The following FANCE variants were observed in gnomAD, a reference collection of about 807,000 sequenced individuals.
FANCE encodes the protein Fanconi anemia group E protein.
FANCE carries 42 observed loss-of-function variants against 57.8 expected under a neutral mutation model. The ratio of observed to expected loss-of-function variants is 0.73; its 90% CI spans 0.57 to 0.94. The LOEUF is 0.94. Among genes scored for constraint, FANCE ranks in the 40% least tolerant of loss-of-function variants. FANCE has a pLI of 0.00. For missense variants in FANCE, 608 were observed against 661.8 expected (o/e 0.92, Z 0.89); for synonymous variants, 251 against 286.4 (o/e 0.88, Z 1.25).
In FANCE at chr6:35,456,035, A is replaced by G. The variant is rs1561789623; in HGVS notation, c.537A>G (p.Lys179=). Residue 179 remains lysine (K), a synonymous_variant, in exon 2 of 10, where the codon AAA becomes AAG. Transcript: ENST00000229769. The surrounding 1 kb of genome is among the most constrained non-coding windows in gnomAD (Gnocchi z 4.3). ...TGGGCCTGGGGGGCAGGAGGTTGAA[A>G]TCCCCCCAGGCTCCAGACCCTGAAG... ...RGLGLGGRRL[K]SPQAPDPEEE... is the part of the protein sequence containing the mutation. The G allele has an allele frequency of 3.7e-6, 6 of 1,612,772 alleles. No individual in the cohort carries two copies. The highest frequency in any genetic ancestry group is 5.1e-6 in the Non-Finnish European group (6 of 1,179,530).
chr6:35,461,562 A>G (rs1374651913), intron 8 of FANCE, among the ~76,000 whole-genome samples: 1 of 151,838 alleles, frequency 6.6e-6, no homozygotes, highest in Non-Finnish European at 1.5e-5. Flanking sequence ...TGCTTTTTTT[A>G]CTTCACAGTA....
chr6:35,452,586 T>A lies in FANCE; in HGVS notation c.41T>A (p.Val14Glu). The A allele has an allele frequency of 7.5e-7, 1 of 1,327,200 alleles. No homozygotes were observed. The allele number at this position is 1,327,200 out of a possible 1,614,324, so 82.2% of individuals were successfully genotyped here. A position where few individuals can be genotyped will look rare whatever the true frequency, so the allele number is the denominator to read the frequency against. Residue 14 changes from valine (V) to glutamate (E), a missense_variant, in exon 1 of 10, where the codon GTG (valine) becomes GAG (glutamate). By Grantham distance (121) the Val-to-Glu change is moderately radical (BLOSUM62 -2). Transcript: ENST00000229769. ...GCGGGGCTCCCTGGGGCTGAGGGCGTGGAGCCGGCGCCCTGGGCGCAGCTG... is the reference window on the plus strand; with the variant it reads ...GCGGGGCTCCCTGGGGCTGAGGGCGAGGAGCCGGCGCCCTGGGCGCAGCTG... Reference protein sequence around the residue: ...PDAGLPGAEGVEPAPWAQLEA... With the variant: ...PDAGLPGAEGEEPAPWAQLEA...
chr6:35,455,715 A>C, intron 1 of FANCE, 32 bp from the exon 2 acceptor site: 1 of 1,612,190 alleles, frequency 6.2e-7, no homozygotes, highest in Non-Finnish European at 8.5e-7. Context: ...TCAGCCAAAC[A>C]CTTAACTGCT....
At chr6:35,460,216 C>T (rs530461251) in intron 7 of FANCE, among the ~76,000 whole-genome samples, 16 of 152,230 alleles carry the variant, frequency 1.1e-4, no homozygotes, top group Non-Finnish European at 1.6e-4. Flanking sequence ...CCCAGGTTCA[C>T]GCAATTCTCC....
Position 35,460,710 on chromosome 6 carries a change from A to T in FANCE, c.1383+92A>T, listed in dbSNP as rs907183182. ...CCTGGGTTTCTGAGTCCTTCAGTGC[A>T]TGGAGGGTCAAGCAGGACAGCTGCC... On this transcript the variant is annotated intron_variant, in intron 8 of 9. Coordinates refer to ENST00000229769, the MANE Select transcript of FANCE (RefSeq NM_021922.3). 1.0e-5 allele frequency: 12 copies of T among 1,169,128 alleles called. 1 individual carries two copies. Among genetic ancestry groups the T allele is most frequent in the Non-Finnish European group, 1.4e-5 (11 of 788,764 alleles). 72.4% of individuals were successfully genotyped at this position (1,169,128 alleles called of 1,614,324 possible).
At position 35,462,859 on chromosome 6, in the gene FANCE, C is replaced by CCT; in HGVS notation, c.1456_1457dup (p.Met487ProfsTer9). 6.2e-7 allele frequency: 1 copy of CCT among 1,614,262 alleles called. No individual in the cohort carries two copies. Among genetic ancestry groups the CCT allele is most frequent in the Non-Finnish European group, 8.5e-7 (1 of 1,180,046 alleles). On this transcript the variant is annotated frameshift_variant, in exon 9 of 10. Transcript: ENST00000229769. LOFTEE classifies it high-confidence loss of function. ...TGTAAAAAGGGGCTGGCAGCCACCA[C>CCT]CTCCATGGCCTATGCCAAGCTCATG...
chr6:35,460,621 G>A lies in FANCE; in HGVS notation c.1383+3G>A, dbSNP rs752468400. On this transcript the variant is annotated splice_donor_region_variant and intron_variant, in intron 8 of 9. Coordinates refer to ENST00000229769, the MANE Select transcript of FANCE (RefSeq NM_021922.3). ...TGCAGTCACTCCTAGAGCGGCAGGT[G>A]AGCAGGCTGCCCTGGGGAAGAGTGG... The A allele has an allele frequency of 1.9e-6, 3 of 1,613,322 alleles. No homozygotes were observed. In the East Asian group the frequency reaches 6.7e-5, roughly 36 times the overall value.
At position 35,459,820 on chromosome 6, in the gene FANCE, C is replaced by T. The variant is rs185040026; in HGVS notation, c.1316+60C>T. 2,278 of 1,471,504 alleles carry T rather than the reference C, an allele frequency of 1.5e-3. 18 individuals are homozygous for T. The highest frequency in any genetic ancestry group is 0.013 in the South Asian group (1,175 of 88,074). The allele number at this position is 1,471,504 out of a possible 1,614,324, so 91.2% of individuals were successfully genotyped here. A position where few individuals can be genotyped will look rare whatever the true frequency, so the allele number is the denominator to read the frequency against. ...CACCTGTTCCCCCAGGCTAGAGTGACATCACATGTGTTGGGCCCTGCAGGG... is the reference window on the plus strand; with the variant it reads ...CACCTGTTCCCCCAGGCTAGAGTGATATCACATGTGTTGGGCCCTGCAGGG... On this transcript the variant is annotated intron_variant, in intron 7 of 9. Transcript: ENST00000229769.
intron 1 of FANCE, among the ~76,000 whole-genome samples, chr6:35,453,209 G>A (rs1767182298): frequency 6.6e-6 from 1 of 152,218 alleles, no homozygotes; most frequent in African/African-American, 2.4e-5. Flanking sequence ...GCTTTTCAAA[G>A]CATAACGTTC....
At chr6:35,461,926 C>T (rs557665446) in intron 8 of FANCE, among the ~76,000 whole-genome samples, 78 of 152,052 alleles carry the variant, frequency 5.1e-4, no homozygotes, top group African/African-American at 1.6e-3. Flanking sequence ...GGATTACAGG[C>T]GTGAGCCACC....
Position 35,453,370 on chromosome 6 carries a change from G to A in FANCE, c.248+577G>A, listed in dbSNP as rs1311433484. ...ATTCCTACTAGGAGCAGAGGTGTCG[G>A]CCCTGCCATTTTATTTGGTTGTGTT... On this transcript the variant is annotated intron_variant, in intron 1 of 9. Transcript: ENST00000229769. Among the ~76,000 whole-genome samples, 5 of 151,910 alleles carry A rather than the reference G, an allele frequency of 3.3e-5. No homozygotes were observed. The East Asian group carries it at 9.7e-4, about 29-fold the overall frequency.
At position 35,457,970 on chromosome 6, in the gene FANCE, T is replaced by C; in HGVS notation, c.955T>C (p.Cys319Arg). 6.2e-7 allele frequency: 1 copy of C among 1,614,178 alleles called. No individual in the cohort carries two copies. Among genetic ancestry groups the C allele is most frequent in the African/African-American group, 1.3e-5 (1 of 75,038 alleles). ...PPVELQLLHE[C>R]SPSQMDLLCA... ...AGTTGAGCTACAGCTTCTTCACGAA[T>C]GTAGTCCCAGCCAGGTGAGTCCAGA... Residue 319 changes from cysteine (C) to arginine (R), a missense_variant, in exon 4 of 10, where the codon TGT becomes CGT. Physicochemically the swap from Cys to Arg is radical, Grantham distance 180 (BLOSUM62 -3). Transcript: ENST00000229769.
At chr6:35,462,321 G>T (rs1767625805) in intron 8 of FANCE, among the ~76,000 whole-genome samples, 1 of 151,476 alleles carries the variant, frequency 6.6e-6, no homozygotes, top group Non-Finnish European at 1.5e-5. Flanking sequence ...TGGCCAGGCT[G>T]GTCTGGAACT....
intron 7 of FANCE, 81 bp downstream of exon 7, chr6:35,459,841 C>A: frequency 1.6e-6 from 2 of 1,254,306 alleles, no homozygotes; most frequent in Non-Finnish European, 2.3e-6. Flanking sequence ...TTGGGCCCTG[C>A]AGGGAAGGCT....
chr6:35,458,193 A>C, intron 4 of FANCE, 104 bp from the exon 5 acceptor site: 1 of 1,498,808 alleles, frequency 6.7e-7, no homozygotes, highest in Non-Finnish European at 9.2e-7. Flanking sequence ...TTTGCCCTGG[A>C]GTATCTTTGC....
Position 35,462,784 on chromosome 6 carries a change from T to A in FANCE, c.1384-5T>A. 1.4e-5 allele frequency: 22 copies of A among 1,614,068 alleles called. No homozygotes were observed. The highest frequency in any genetic ancestry group is 1.8e-5 in the Non-Finnish European group (21 of 1,179,956). ...GATTACTGCTCCATCTCCCAATGTG[T>A]GCAGGTGGAGATGACCCCTGAGAAG... On this transcript the variant is annotated splice_region_variant and splice_polypyrimidine_tract_variant and intron_variant, in intron 8 of 9. Transcript: ENST00000229769.
At position 35,455,777 on chromosome 6, in the gene FANCE, A is replaced by T; in HGVS notation, c.279A>T (p.Ile93=). ...LKPLLLRLPR[I]CQRNLMSLLM... is the part of the protein sequence containing the mutation. Reference sequence around the variant, plus strand: ...CACTGTTGCTGCGATTGCCCCGGATATGCCAGAGGAACCTGATGTCCCTGC... The same window carrying T: ...CACTGTTGCTGCGATTGCCCCGGATTTGCCAGAGGAACCTGATGTCCCTGC... The change falls in exon 2 of 10, where the codon ATA becomes ATT. Residue 93 remains isoleucine, a synonymous_variant. Coordinates refer to ENST00000229769, the MANE Select transcript of FANCE (RefSeq NM_021922.3). 6.2e-7 allele frequency: 1 copy of T among 1,614,160 alleles called. No homozygotes were observed. The highest frequency in any genetic ancestry group is 8.5e-7 in the Non-Finnish European group (1 of 1,180,024).
chr6:35,463,959 C>T (rs567046147), intron 9 of FANCE, among the ~76,000 whole-genome samples: 6 of 152,058 alleles, frequency 3.9e-5, no homozygotes, highest in Admixed American at 1.3e-4. Flanking sequence ...CTGTCGTGCC[C>T]AGACTTCCTG....
intron 2 of FANCE, among the ~76,000 whole-genome samples, 194 bp from the exon 3 acceptor site, chr6:35,457,362 T>C (rs1767387601): frequency 6.6e-6 from 1 of 152,166 alleles, no homozygotes; most frequent in African/African-American, 2.4e-5. Context: ...ACTCCTGGGC[T>C]CAAGTGATTC....
Sources: allele counts gnomAD v4.1 joint callset (sites outside exome capture counted in the v4.1 genomes callset), GRCh38; gene constraint gnomAD v4.1.1; non-coding constraint Gnocchi (gnomAD v3.1); transcripts MANE v1.5; gene names NCBI Gene and HGNC (gene_info 2026-07-23, HGNC 2026-07-21).